The following SH3TC1 variants were observed in gnomAD, a reference collection of about 807,000 sequenced individuals.
SH3TC1 encodes SH3 domain and tetratricopeptide repeats 1, also known as SH3 domain and tetratricopeptide repeat-containing protein 1.
A neutral mutation model predicts 117.3 loss-of-function variants in SH3TC1; 135 were observed. The observed-to-expected ratio is 1.15, with a 90% CI of 1.00 to 1.33. The LOEUF is 1.33. SH3TC1 is among the 40% of genes most tolerant of loss of function. SH3TC1 has a pLI of 0.00. For synonymous variants in SH3TC1, 898 were observed against 816.9 expected (o/e 1.10, Z -1.69); for missense variants, 2,092 against 1,794.3 (o/e 1.17, Z -3.00).
intron 9 of SH3TC1, among the ~76,000 whole-genome samples, chr4:8,220,967 G>A (rs1456576536): frequency 3.9e-5 from 6 of 152,232 alleles, no homozygotes; most frequent in Non-Finnish European, 8.8e-5. Context: ...CATGCCCTAA[G>A]GAGTGGGGAA....
rs1578713404 is a variant in SH3TC1 at position 8,225,374 on chromosome 4, C to T, written c.1285+158C>T. ...CTTGGGGGAGGTTGCCTGAGGTGGG[C>T]CTGAACCTCCCGTCCACTGTGGCAC... On this transcript the variant is annotated intron_variant, in intron 11 of 17. Transcript: ENST00000245105. The surrounding 1 kb of genome is among the most constrained non-coding windows in gnomAD (Gnocchi z 5.5). Among the ~76,000 whole-genome samples, 2 of 152,100 alleles carry T rather than the reference C, an allele frequency of 1.3e-5. No individual in the cohort carries two copies. The highest frequency in any genetic ancestry group is 6.6e-5 in the Admixed American group (1 of 15,266).
At chr4:8,202,686 C>T (rs990118033) in intron 1 of SH3TC1, among the ~76,000 whole-genome samples, 2 of 152,148 alleles carry the variant, frequency 1.3e-5, no homozygotes, top group African/African-American at 2.4e-5. Context: ...CTTGCTGGCC[C>T]GGGGCTGATC....
In SH3TC1 at chr4:8,237,848, G is replaced by A. The variant is rs571919420; in HGVS notation, c.3753+178G>A. ...AGCAGACACAACCCAGCTCCCGAGCGGCCAGGCCTCACCCTCAAGAACTCA... is the reference window on the plus strand; with the variant it reads ...AGCAGACACAACCCAGCTCCCGAGCAGCCAGGCCTCACCCTCAAGAACTCA... On this transcript the variant is annotated intron_variant, in intron 17 of 17. Coordinates refer to ENST00000245105, the MANE Select transcript of SH3TC1 (RefSeq NM_018986.5). Among the ~76,000 whole-genome samples, 9 of 152,186 alleles carry A rather than the reference G, an allele frequency of 5.9e-5. No individual in the cohort carries two copies. In the East Asian group the frequency reaches 9.7e-4, roughly 16 times the overall value.
chr4:8,207,358 C>A (rs1195591921), intron 2 of SH3TC1, among the ~76,000 whole-genome samples: 1 of 152,224 alleles, frequency 6.6e-6, no homozygotes, highest in Non-Finnish European at 1.5e-5. Context: ...GGGCGGCTGC[C>A]AGTTCTCCCC....
At chr4:8,229,854 G>A (rs115831246) in intron 12 of SH3TC1, among the ~76,000 whole-genome samples, 2 of 152,094 alleles carry the variant, frequency 1.3e-5, no homozygotes, top group East Asian at 1.9e-4. Context: ...GGCCCTCCCC[G>A]GGGTGCTGGG....
Position 8,236,391 on chromosome 4 carries a change from G to T in SH3TC1, c.3519G>T (p.Glu1173Asp). The T allele has an allele frequency of 6.5e-7, 1 of 1,535,968 alleles. No homozygotes were observed. Among genetic ancestry groups the T allele is most frequent in the Non-Finnish European group, 8.8e-7 (1 of 1,139,160 alleles). Residue 1173 changes from glutamate (E) to aspartate (D), a missense_variant, in exon 16 of 18, where the codon GAG becomes GAT. Glu to Asp is a conservative substitution (Grantham distance 45). Coordinates refer to ENST00000245105, the MANE Select transcript of SH3TC1 (RefSeq NM_018986.5). Reference protein sequence around the residue: ...ATLEEPQEGLEFAHMALALSI... With the variant: ...ATLEEPQEGLDFAHMALALSI... The stretch of plus-strand genomic sequence containing the variant: ...TGGAGGAGCCCCAGGAGGGCTTGGA[G>T]TTTGCCCACATGGCCCTAGCACTCA...
intron 10 of SH3TC1, among the ~76,000 whole-genome samples, chr4:8,224,116 C>T (rs1307468787): frequency 6.6e-6 from 1 of 152,220 alleles, no homozygotes; most frequent in African/African-American, 2.4e-5. Context: ...CACATACACA[C>T]ATGTGCATGC....
intron 4 of SH3TC1, among the ~76,000 whole-genome samples, chr4:8,214,016 T>C (rs1319916540): frequency 6.6e-6 from 1 of 152,128 alleles, no homozygotes; most frequent in Non-Finnish European, 1.5e-5. Context: ...TATTTTTTCA[T>C]GCCCCTATCA....
rs1037346622 is a variant in SH3TC1, at chr4:8,236,163, G to A, written c.3406-115G>A. ...TTATCTCAGAGCACACAGCTGTGTC[G>A]AGGCCCAGGGGTAGCTGGGGCGTGG... is the stretch of plus-strand genomic sequence containing the variant. On this transcript the variant is annotated intron_variant, in intron 15 of 17. Coordinates refer to ENST00000245105, the MANE Select transcript of SH3TC1 (RefSeq NM_018986.5). 2.5e-5 allele frequency: 32 copies of A among 1,303,388 alleles called. No individual in the cohort carries two copies. The African/African-American group carries it at 3.8e-4, about 16-fold the overall frequency. 80.7% of individuals were successfully genotyped at this position (1,303,388 alleles called of 1,614,324 possible). A position where few individuals can be genotyped will look rare whatever the true frequency, so the allele number is the denominator to read the frequency against.
At chr4:8,212,874 G>A (rs1453221400) in intron 4 of SH3TC1, 46 bp downstream of exon 4, 2 of 1,497,662 alleles carry the variant, frequency 1.3e-6, no homozygotes, top group South Asian at 1.3e-5. Context: ...GCTGGAGTCA[G>A]GGGGAGGGAG....
intron 16 of SH3TC1, chr4:8,237,051 T>G (rs181278339): frequency 1.3e-3 from 227 of 172,032 alleles, no homozygotes; most frequent in African/African-American, 5.7e-3. Context: ...CGCGCATCTG[T>G]GGGGGGACCT....
At position 8,228,338 on chromosome 4, in the gene SH3TC1, G is replaced by A. The variant is rs764713340; in HGVS notation, c.2644G>A (p.Ala882Thr). 3 of 1,611,788 alleles carry A rather than the reference G, an allele frequency of 1.9e-6. No homozygotes were observed. Among genetic ancestry groups the A allele is most frequent in the African/African-American group, 1.3e-5 (1 of 74,944 alleles). ...ALKRTGRTRQ[A>T]AESYYRALRV... ...GAAGAGGACGGGCCGGACGAGGCAGGCAGCTGAGAGCTACTACCGCGCCCT... is the reference window on the plus strand; with the variant it reads ...GAAGAGGACGGGCCGGACGAGGCAGACAGCTGAGAGCTACTACCGCGCCCT... Residue 882 changes from alanine to threonine, a missense_variant, in exon 12 of 18, where the codon GCA becomes ACA. Physicochemically the swap from Ala to Thr is moderately conservative, Grantham distance 58. Coordinates refer to ENST00000245105, the MANE Select transcript of SH3TC1 (RefSeq NM_018986.5).
rs1372990377 is a variant in SH3TC1, at chr4:8,236,444, C to T, written c.3556+16C>T. 2 of 1,428,216 alleles carry T rather than the reference C, an allele frequency of 1.4e-6. No individual in the cohort carries two copies. Among genetic ancestry groups the T allele is most frequent in the Non-Finnish European group, 1.8e-6 (2 of 1,082,730 alleles). 88.5% of individuals were successfully genotyped at this position (1,428,216 alleles called of 1,614,324 possible). The stretch of plus-strand genomic sequence containing the variant: ...ATCACCCTGGGTAAGCCCCCTGAGC[C>T]CCTGCCCTGCCAGGACCCACACTTT... On this transcript the variant is annotated intron_variant, in intron 16 of 17. Transcript: ENST00000245105.
At chr4:8,231,880 T>C in intron 12 of SH3TC1, 96 bp from the exon 13 acceptor site, 1 of 1,390,648 alleles carries the variant, frequency 7.2e-7, no homozygotes, top group Non-Finnish European at 9.9e-7. Context: ...CTCACAGAGG[T>C]GTGAAAGAGG....
rs772978721 is a variant in SH3TC1, at chr4:8,228,626, G to A, written c.2932G>A (p.Glu978Lys). Residue 978 changes from glutamate (E) to lysine (K), a missense_variant, in exon 12 of 18, where the codon GAG becomes AAG. By Grantham distance (56) the Glu-to-Lys change is moderately conservative (BLOSUM62 1). Coordinates refer to ENST00000245105, the MANE Select transcript of SH3TC1 (RefSeq NM_018986.5). ...CGAGTGGGCCCTTCTGGTCGCCGTG[G>A]AGATGGGCCACGTGGAGAGTGAGTG... ...YYEWALLVAV[E>K]MGHVESQLRA... 1.3e-6 allele frequency: 2 copies of A among 1,516,274 alleles called. No individual in the cohort carries two copies. Among genetic ancestry groups the A allele is most frequent in the East Asian group, 4.7e-5 (2 of 42,942 alleles). 93.9% of individuals were successfully genotyped at this position (1,516,274 alleles called of 1,614,324 possible).
At chr4:8,191,813 T>G (rs1018947800) in intron 1 of SH3TC1, among the ~76,000 whole-genome samples, 12 of 152,010 alleles carry the variant, frequency 7.9e-5, no homozygotes, top group African/African-American at 2.9e-4. Context: ...TGCTTGTTTG[T>G]GTTTCTGGGA....
intron 1 of SH3TC1, among the ~76,000 whole-genome samples, chr4:8,199,625 T>G (rs1717696002): frequency 6.6e-6 from 1 of 152,168 alleles, no homozygotes; most frequent in African/African-American, 2.4e-5. Flanking sequence ...CAATCCGCAG[T>G]GATTGAGGGC....
Position 8,205,068 on chromosome 4 carries a change from C to A in SH3TC1, c.-28-99C>A. ...GGATCTGAAAGGTGCAGGCGCTCAGCAACGCTGGTGTTCTCTTTCTGGACC... is the reference window on the plus strand; with the variant it reads ...GGATCTGAAAGGTGCAGGCGCTCAGAAACGCTGGTGTTCTCTTTCTGGACC... On this transcript the variant is annotated intron_variant, in intron 1 of 17. Transcript: ENST00000245105. This position sits in a 1 kb window ranked among gnomAD's most constrained non-coding sequence, Gnocchi z 5.4. The A allele has an allele frequency of 1.0e-6, 1 of 986,244 alleles. No homozygotes were observed. The highest frequency in any genetic ancestry group is 1.4e-6 in the Non-Finnish European group (1 of 696,648). The allele number at this position is 986,244 out of a possible 1,614,324, so 61.1% of individuals were successfully genotyped here.
upstream of SH3TC1, among the ~76,000 whole-genome samples, chr4:8,197,570 G>A (rs540829065): frequency 6.6e-6 from 1 of 152,288 alleles, no homozygotes; most frequent in South Asian, 2.1e-4. Flanking sequence ...GTGTCCTTTG[G>A]TGCCTCTGAA....
Sources: gnomAD v4.1 joint callset for allele counts (sites outside exome capture counted in the v4.1 genomes callset) on GRCh38, gnomAD v4.1.1 for gene constraint, Gnocchi (gnomAD v3.1) non-coding constraint, MANE v1.5 for transcripts, NCBI Gene and HGNC (gene_info 2026-07-23, HGNC 2026-07-21) for gene names.